Variants in ST7 observed in about 807,000 individuals in gnomAD.
ST7 encodes suppression of tumorigenicity 7.
Under a neutral mutation model 78.7 loss-of-function variants are expected in ST7, and 28 were observed. The observed-to-expected ratio is 0.36, with a 90% confidence interval of 0.26 to 0.49. ST7 has a LOEUF of 0.49. Among genes scored for constraint, ST7 ranks in the 20% least tolerant of loss-of-function variants. The pLI is 0.99. For synonymous variants in ST7, 247 were observed against 249.6 expected (o/e 0.99, Z 0.10); for missense variants, 418 against 696.0 (o/e 0.60, Z 4.49).
chr7:117,076,219 C>T (rs879936738), intron 1 of ST7, among the ~76,000 whole-genome samples: 14 of 152,270 alleles, frequency 9.2e-5, no homozygotes, highest in East Asian at 1.9e-4. Flanking sequence ...ACCAAACCTC[C>T]GGTGTTTCAG....
intron 9 of ST7, among the ~76,000 whole-genome samples, chr7:117,142,330 G>A (rs534920772): frequency 7.5e-4 from 114 of 152,130 alleles, no homozygotes; most frequent in African/African-American, 2.7e-3. Context: ...TCAGTCATTC[G>A]GTCTAGAGCA....
rs370293819 is a variant in ST7 at position 117,183,100 on chromosome 7, T to TTTTG, written c.1079-6193_1079-6190dup. The stretch of plus-strand genomic sequence containing the variant: ...CAGGTGACCACAAGATTTTAGGTTT[T>TTTTG]TTTGTTTGTTTGTTTGTTTGTTTGT... On this transcript the variant is annotated intron_variant, in intron 10 of 15. Transcript: ENST00000323984. Among the ~76,000 whole-genome samples the TTTTG allele has an allele frequency of 5.2e-3, 792 of 152,018 alleles. 6 individuals carry two copies. The highest frequency in any genetic ancestry group is 0.02 in the East Asian group (105 of 5,166).
In ST7 at chr7:117,219,807, C is replaced by G. The variant is rs1228442988; in HGVS notation, c.1498+631C>G. ...AAAAGAAAACCCTGCCCTCGACTAC[C>G]TTACACTTGCTAGCAGTCTAATGAC... On this transcript the variant is annotated intron_variant, in intron 14 of 15. Coordinates refer to ENST00000323984, the MANE Select transcript of ST7 (RefSeq NM_001369598.1). This position sits in a 1 kb window ranked among gnomAD's most constrained non-coding sequence, Gnocchi z 5.1. Among the ~76,000 whole-genome samples the G allele has an allele frequency of 6.6e-6, 1 of 152,230 alleles. No individual in the cohort carries two copies. The highest frequency in any genetic ancestry group is 1.5e-5 in the Non-Finnish European group (1 of 68,038).
chr7:117,202,863 GT>G (rs143261860), intron 12 of ST7, among the ~76,000 whole-genome samples: 5,250 of 152,152 alleles, frequency 0.035, 302 homozygotes, highest in African/African-American at 0.12. Context: ...GATTCTAAGT[GT>G]TTTTTTCCCC....
chr7:117,079,595 TAACTGAAATAA>T (rs1799605203), intron 1 of ST7, among the ~76,000 whole-genome samples: 1 of 152,238 alleles, frequency 6.6e-6, no homozygotes, highest in Non-Finnish European at 1.5e-5. Context: ...TAACTTGTTT[TAACTGAAATAA>T]AACTGAAATA....
chr7:117,199,179 C>T (rs1017248128), intron 12 of ST7: 1 of 152,196 alleles, frequency 6.6e-6, no homozygotes. Context: ...AGGGAAATCT[C>T]CCTTTGTGTG....
intron 9 of ST7, among the ~76,000 whole-genome samples, chr7:117,140,720 A>T (rs1303622832): frequency 6.6e-6 from 1 of 152,212 alleles, no homozygotes; most frequent in African/African-American, 2.4e-5. Flanking sequence ...CTAAAAAAAA[A>T]GTCTGTCATA....
chr7:117,014,623 T>C (rs1795524629), intron 1 of ST7, among the ~76,000 whole-genome samples: 2 of 152,230 alleles, frequency 1.3e-5, no homozygotes, highest in African/African-American at 4.8e-5. Context: ...TTTCATATCA[T>C]TGAGTACTAG....
chr7:117,081,610 C>A (rs1799782549), intron 1 of ST7, among the ~76,000 whole-genome samples: 1 of 152,014 alleles, frequency 6.6e-6, no homozygotes, highest in Admixed American at 6.6e-5. Context: ...AACCAGTACT[C>A]TAAAGTAGTT....
At chr7:117,087,975 C>T (rs1463120357) in intron 1 of ST7, among the ~76,000 whole-genome samples, 1 of 152,206 alleles carries the variant, frequency 6.6e-6, no homozygotes, top group African/African-American at 2.4e-5. Flanking sequence ...TATCTTCTTT[C>T]TGCCTGCTAT....
intron 12 of ST7, among the ~76,000 whole-genome samples, chr7:117,204,563 A>T (rs1328199396): frequency 6.6e-6 from 1 of 152,186 alleles, no homozygotes; most frequent in African/African-American, 2.4e-5. Context: ...AGCCATGGCT[A>T]CTTGCAGTGT....
chr7:117,130,639 AG>A (rs766427344), intron 5 of ST7, 33 bp downstream of exon 5: 1 of 1,549,846 alleles, frequency 6.5e-7, no homozygotes, highest in Admixed American at 1.8e-5. Context: ...TCTGAATGGG[AG>A]GGCTTTTTGG....
At chr7:117,195,511 G>A (rs554983201) in intron 12 of ST7, among the ~76,000 whole-genome samples, 1 of 152,288 alleles carries the variant, frequency 6.6e-6, no homozygotes, top group African/African-American at 2.4e-5. Flanking sequence ...ATTTATAGAG[G>A]AAAGAGGTTT....
chr7:117,068,854 A>G (rs1458237700), intron 1 of ST7, among the ~76,000 whole-genome samples: 2 of 152,252 alleles, frequency 1.3e-5, no homozygotes, highest in Admixed American at 6.5e-5. Context: ...ATGGGGAGCC[A>G]TGATTTTAGA....
In ST7 at chr7:117,172,572, T is replaced by G. The variant is rs555813754; in HGVS notation, c.1078+1596T>G. On this transcript the variant is annotated intron_variant, in intron 10 of 15. Coordinates refer to ENST00000323984, the MANE Select transcript of ST7 (RefSeq NM_001369598.1). Reference sequence around the variant, plus strand: ...TGGCTTTCATGTCAGCTCACTTGTATTCTCTATTTATATGCTAAAATCTTA... The same window carrying G: ...TGGCTTTCATGTCAGCTCACTTGTAGTCTCTATTTATATGCTAAAATCTTA... Among the ~76,000 whole-genome samples, 5 of 152,284 alleles carry G rather than the reference T, an allele frequency of 3.3e-5. No individual in the cohort carries two copies. In the South Asian group the frequency reaches 8.3e-4, roughly 25 times the overall value.
intron 1 of ST7, among the ~76,000 whole-genome samples, chr7:117,096,010 G>A (rs1443816290): frequency 7.4e-6 from 1 of 135,156 alleles, no homozygotes. Flanking sequence ...AGAGGTTGCA[G>A]TGAGCCAAGA....
intron 1 of ST7, among the ~76,000 whole-genome samples, chr7:116,995,112 C>T (rs1036800014): frequency 6.6e-6 from 1 of 152,108 alleles, no homozygotes; most frequent in African/African-American, 2.4e-5. Context: ...ATTAAATTCT[C>T]CTCAAAATCT....
intron 1 of ST7, among the ~76,000 whole-genome samples, chr7:117,021,074 C>T (rs1466447399): frequency 6.6e-6 from 1 of 151,690 alleles, no homozygotes; most frequent in African/African-American, 2.4e-5. Context: ...CATATTTTCA[C>T]AAAAACATAG....
intron 1 of ST7, among the ~76,000 whole-genome samples, chr7:117,017,982 A>T (rs938899532): frequency 6.6e-6 from 1 of 152,196 alleles, no homozygotes; most frequent in Non-Finnish European, 1.5e-5. Context: ...GACTTAAAAA[A>T]ATCACAGCCT....
Sources: gnomAD v4.1 joint callset for allele counts (sites outside exome capture counted in the v4.1 genomes callset) on GRCh38, gnomAD v4.1.1 for gene constraint, Gnocchi (gnomAD v3.1) non-coding constraint, MANE v1.5 for transcripts, NCBI Gene and HGNC (gene_info 2026-07-23, HGNC 2026-07-21) for gene names.